Variants in PTCH2 observed in about 807,000 individuals in gnomAD.
PTCH2 encodes patched 2.
PTCH2 carries 96 observed loss-of-function variants against 117.9 expected under a neutral mutation model. The ratio of observed to expected loss-of-function variants is 0.81; its 90% CI spans 0.69 to 0.96. The LOEUF (loss-of-function observed/expected upper bound fraction) is 0.96. Ranked by LOEUF, PTCH2 falls within the 50% of genes least tolerant of loss-of-function variation. PTCH2 has a pLI of 0.00. For synonymous variants in PTCH2, 615 were observed against 660.9 expected, an observed-to-expected ratio of 0.93 and a Z score of 1.06; for missense variants, 1,379 against 1,562.5, an observed-to-expected ratio of 0.88 and a Z score of 1.98.
At chr1:44,819,845 T>G (rs559705439), downstream of PTCH2, 7 of 152,820 alleles carry the variant, frequency 4.6e-5, no homozygotes, top group Non-Finnish European at 8.8e-5. Flanking sequence ...ACCAAGTTCC[T>G]TGGTTGTAGT....
intron 2 of PTCH2, among the ~76,000 whole-genome samples, chr1:44,839,802 G>T (rs2148885128): frequency 6.6e-6 from 1 of 152,222 alleles, no homozygotes; most frequent in South Asian, 2.1e-4. Flanking sequence ...GGCTGGCCTA[G>T]AGTGTATATG....
chr1:44,841,478 G>C (rs1415816642), intron 2 of PTCH2, among the ~76,000 whole-genome samples: 1 of 152,176 alleles, frequency 6.6e-6, no homozygotes, highest in African/African-American at 2.4e-5. Context: ...GCTCTGTATT[G>C]TATTTTAGTT....
chr1:44,826,547 C>T lies in PTCH2; in HGVS notation c.2917G>A (p.Val973Met), dbSNP rs2148874054. 6.2e-7 allele frequency: 1 copy of T among 1,613,750 alleles called. No homozygotes were observed. Residue 973 changes from valine (V) to methionine (M), a missense_variant, in exon 18 of 22, where the codon GTG becomes ATG. Transcript: ENST00000372192. The surrounding 1 kb of genome is among the most constrained non-coding windows in gnomAD (Gnocchi z 5.1). ...CFLLAVCILLVCTFLVCALLL... is the reference protein window; with the variant it reads ...CFLLAVCILLMCTFLVCALLL... The stretch of plus-strand genomic sequence containing the variant: ...AGAGCACAGACGAGGAAAGTGCACA[C>T]CAGCAGGATGCAGACGGCCAGCAGG...
chr1:44,834,512 G>A lies in PTCH2; in HGVS notation c.266-2171C>T, dbSNP rs115459996. Among the ~76,000 whole-genome samples the A allele has an allele frequency of 2.3e-3, 348 of 152,256 alleles. 1 individual carries two copies. The highest frequency in any genetic ancestry group is 7.7e-3 in the African/African-American group (319 of 41,546). On this transcript the variant is annotated intron_variant, in intron 2 of 21. Transcript: ENST00000372192. ...CACCAAGATTAGGCCGAAGGCTGCC[G>A]CATGGAAGGGAAGAAGAGGACAGAG...
chr1:44,821,927 G>A (rs1164661890), downstream of PTCH2: 1 of 1,361,436 alleles, frequency 7.3e-7, no homozygotes, highest in African/African-American at 1.5e-5. Context: ...AAGCACTGAA[G>A]TCATCTGAGA....
At position 44,843,029 on chromosome 1, in the gene PTCH2, G is replaced by T; in HGVS notation, c.-97C>A. 7.0e-7 allele frequency: 1 copy of T among 1,436,948 alleles called. No homozygotes were observed. The highest frequency in any genetic ancestry group is 1.5e-5 in the South Asian group (1 of 67,364). 89.0% of individuals were successfully genotyped at this position (1,436,948 alleles called of 1,614,324 possible). ...TCCCGGTACCGCTGGGCCCCGCGTA[G>T]GGATTCAGTGGGGCCGCCAAGGCGC... On this transcript the variant is annotated 5_prime_UTR_variant, in exon 1 of 22. Transcript: ENST00000372192.
chr1:44,833,311 C>CGGATTTGGT (rs1653540506), intron 2 of PTCH2, among the ~76,000 whole-genome samples: 1 of 152,066 alleles, frequency 6.6e-6, no homozygotes. Flanking sequence ...GATCTCAGAC[C>CGGATTTGGT]CTGCGCTGTT....
At position 44,831,144 on chromosome 1, in the gene PTCH2, C is replaced by T. The variant is rs759793269; in HGVS notation, c.618-101G>A. 6.4e-5 allele frequency: 78 copies of T among 1,211,116 alleles called. No individual in the cohort carries two copies. Among genetic ancestry groups the T allele is most frequent in the Admixed American group, 1.1e-4 (5 of 44,990 alleles). The allele number at this position is 1,211,116 out of a possible 1,614,324, so 75.0% of individuals were successfully genotyped here. On this transcript the variant is annotated intron_variant, in intron 5 of 21. Coordinates refer to ENST00000372192, the MANE Select transcript of PTCH2 (RefSeq NM_003738.5). The surrounding 1 kb of genome is among the most constrained non-coding windows in gnomAD (Gnocchi z 4.3). ...TGTACCCCACCCTCCTCTTATCTGC[C>T]GATTTGTCCTTCCATATGGAGGGTG... is the stretch of plus-strand genomic sequence containing the variant.
In PTCH2 at chr1:44,829,544, A is replaced by G; in HGVS notation, c.1084-11T>C. ...GGCCTCCTGGGCCAGCTGGAGAAAC[A>G]GGGTGGATAGGAGGGGGCAGGAGGA... is the stretch of plus-strand genomic sequence containing the variant. On this transcript the variant is annotated splice_polypyrimidine_tract_variant and intron_variant, in intron 8 of 21. Transcript: ENST00000372192. 3 of 1,614,138 alleles carry G rather than the reference A, an allele frequency of 1.9e-6. No homozygotes were observed. The highest frequency in any genetic ancestry group is 2.5e-6 in the Non-Finnish European group (3 of 1,179,986).
intron 19 of PTCH2, among the ~76,000 whole-genome samples, chr1:44,824,500 ATTTT>A (rs35156371): frequency 7.2e-6 from 1 of 139,550 alleles, no homozygotes; most frequent in African/African-American, 2.7e-5. Context: ...CTACCATCCC[ATTTT>A]TTTTTTTTTT....
intron 2 of PTCH2, among the ~76,000 whole-genome samples, 155 bp downstream of exon 2, chr1:44,841,692 C>T (rs959636795): frequency 2.0e-5 from 3 of 152,144 alleles, no homozygotes; most frequent in African/African-American, 4.8e-5. Context: ...TGGGAGGGAA[C>T]GGTGTTCCTA....
Position 44,824,828 on chromosome 1 carries a change from A to G in PTCH2, c.3114+1422T>C, listed in dbSNP as rs1204507844. 2.6e-5 allele frequency among the ~76,000 whole-genome samples: 4 copies of G among 151,978 alleles called. No homozygotes were observed. The East Asian group carries it at 7.8e-4, about 30-fold the overall frequency. ...GCTGGGATTACAGGCACCTGCCACT[A>G]CGCCTGGCTAATTTTTGTATTTTTA... is the stretch of plus-strand genomic sequence containing the variant. On this transcript the variant is annotated intron_variant, in intron 19 of 21. Transcript: ENST00000372192.
At position 44,829,477 on chromosome 1, in the gene PTCH2, G is replaced by A. The variant is rs2148877703; in HGVS notation, c.1140C>T (p.Ser380=). The change falls in exon 9 of 22, where the codon TCC becomes TCT. Residue 380 remains serine, a synonymous_variant. Transcript: ENST00000372192. ...CATGCAGGATGTCATCCAGGGTGGT[G>A]GAGGAGAAGGCATGGATCTGCTGGG... ...NASQQIHAFS[S]TTLDDILHAF... is the part of the protein sequence containing the mutation. 1 of 1,614,252 alleles carries A rather than the reference G, an allele frequency of 6.2e-7. No individual in the cohort carries two copies. Among genetic ancestry groups the A allele is most frequent in the African/African-American group, 1.3e-5 (1 of 75,076 alleles).
downstream of PTCH2, chr1:44,820,138 G>C: frequency 2.9e-6 from 1 of 347,258 alleles, no homozygotes; most frequent in Non-Finnish European, 5.8e-6. Context: ...CTCTAAAACA[G>C]TGCAGAAATG....
At position 44,827,732 on chromosome 1, in the gene PTCH2, T is replaced by G; in HGVS notation, c.2059-18A>C. 1.9e-6 allele frequency: 3 copies of G among 1,611,128 alleles called. No individual in the cohort carries two copies. The highest frequency in any genetic ancestry group is 2.5e-6 in the Non-Finnish European group (3 of 1,179,914). On this transcript the variant is annotated intron_variant, in intron 14 of 21. Transcript: ENST00000372192. ...ACGATGGCCTGCGGGATGTAGCAACTAAGCTGGAGACCCCAGGGCTGCCCC... is the reference window on the plus strand; with the variant it reads ...ACGATGGCCTGCGGGATGTAGCAACGAAGCTGGAGACCCCAGGGCTGCCCC...
At chr1:44,832,424 C>T in intron 2 of PTCH2, 83 bp from the exon 3 acceptor site, 2 of 1,421,766 alleles carry the variant, frequency 1.4e-6, no homozygotes, top group Non-Finnish European at 2.0e-6. Flanking sequence ...ACTCTGAGGC[C>T]TCCCCAGACA....
intron 10 of PTCH2, 32 bp from the exon 11 acceptor site, chr1:44,829,106 C>T (rs1296989477): frequency 1.2e-6 from 2 of 1,613,578 alleles, no homozygotes; most frequent in Non-Finnish European, 1.7e-6. Context: ...CAGCTGAGGA[C>T]CCGTGAAGCC....
Position 44,831,570 on chromosome 1 carries a change from C to G in PTCH2, c.617+136G>C. 1 of 850,912 alleles carries G rather than the reference C, an allele frequency of 1.2e-6. No individual in the cohort carries two copies. The highest frequency in any genetic ancestry group is 1.9e-6 in the Non-Finnish European group (1 of 524,660). 52.7% of individuals were successfully genotyped at this position (850,912 alleles called of 1,614,324 possible). A position where few individuals can be genotyped will look rare whatever the true frequency, so the allele number is the denominator to read the frequency against. ...ATGTGGAGAGAGCCTTGGGGAAGCCCATGCTCTCTGTTCCTGGCCTGGGAG... is the reference window on the plus strand; with the variant it reads ...ATGTGGAGAGAGCCTTGGGGAAGCCGATGCTCTCTGTTCCTGGCCTGGGAG... On this transcript the variant is annotated intron_variant, in intron 5 of 21. Transcript: ENST00000372192. This position sits in a 1 kb window ranked among gnomAD's most constrained non-coding sequence, Gnocchi z 4.3.
rs1573638370 is a variant in PTCH2, at chr1:44,822,600, A to C, written c.3427T>G (p.Trp1143Gly). The part of the protein sequence containing the change: ...PPAPQGGGLR[W>G]GASSSLPQSF... ...TGGGGCAGGGAGGAGGATGCCCCCCACCTAAGCCCGCCTCCCTGTGGAGCT... is the reference window on the plus strand; with the variant it reads ...TGGGGCAGGGAGGAGGATGCCCCCCCCCTAAGCCCGCCTCCCTGTGGAGCT... The change falls in exon 22 of 22, where the codon TGG becomes GGG. Residue 1143 changes from tryptophan (W) to glycine (G), a missense_variant. By Grantham distance (184) the Trp-to-Gly change is radical. Transcript: ENST00000372192. 6.2e-7 allele frequency: 1 copy of C among 1,613,708 alleles called. No individual in the cohort carries two copies. Among genetic ancestry groups the C allele is most frequent in the Admixed American group, 1.7e-5 (1 of 59,988 alleles).
Sources: allele counts gnomAD v4.1 joint callset (sites outside exome capture counted in the v4.1 genomes callset), GRCh38; gene constraint gnomAD v4.1.1; non-coding constraint Gnocchi (gnomAD v3.1); transcripts MANE v1.5; gene names NCBI Gene and HGNC (gene_info 2026-07-23, HGNC 2026-07-21).